The following FAM186B variants were observed in gnomAD, a reference collection of about 807,000 sequenced individuals.
FAM186B encodes family with sequence similarity 186 member B, also known as protein FAM186B.
A neutral mutation model predicts 83.4 loss-of-function variants in FAM186B; 68 were observed. The observed-to-expected ratio is 0.81, with a 90% CI of 0.67 to 1.00. FAM186B has a LOEUF of 1.00. FAM186B is among the 50% of genes least tolerant of loss of function. FAM186B has a pLI of 0.00. For missense variants in FAM186B, 983 were observed against 1,099.2 expected (o/e 0.89, Z 1.49); for synonymous variants, 389 against 422.0 (o/e 0.92, Z 0.96).
chr12:49,619,847 G>A, the FAM186B span, among the ~76,000 whole-genome samples: 1 of 151,142 alleles, frequency 6.6e-6, no homozygotes, highest in Non-Finnish European at 1.5e-5. Context: ...GCTAATTTTT[G>A]TATTTTTTTT....
chr12:49,599,269 CCTT>C (rs1417401409), intron 4 of FAM186B, among the ~76,000 whole-genome samples, 197 bp downstream of exon 4: 3 of 152,098 alleles, frequency 2.0e-5, no homozygotes, highest in Non-Finnish European at 2.9e-5. Context: ...TGCTCAGTGC[CCTT>C]CTTCTCACAT....
chr12:49,595,911 G>A (rs1427178407), intron 5 of FAM186B, among the ~76,000 whole-genome samples: 1 of 152,226 alleles, frequency 6.6e-6, no homozygotes, highest in Admixed American at 6.5e-5. Flanking sequence ...GTGAACCTGG[G>A]AGGCGGAGCT....
intron 5 of FAM186B, among the ~76,000 whole-genome samples, chr12:49,592,642 C>T (rs1050881928): frequency 7.9e-5 from 12 of 151,798 alleles, no homozygotes; most frequent in African/African-American, 1.9e-4. Context: ...AAAAATTAGC[C>T]GGACATGGTG....
At chr12:49,593,789 A>G (rs1017586587) in intron 5 of FAM186B, among the ~76,000 whole-genome samples, 17 of 152,216 alleles carry the variant, frequency 1.1e-4, no homozygotes, top group African/African-American at 4.1e-4. Context: ...CCTGGACAAC[A>G]TAGTGAAACT....
At chr12:49,609,994 G>A (rs906386939), upstream of FAM186B, among the ~76,000 whole-genome samples, 4 of 152,280 alleles carry the variant, frequency 2.6e-5, no homozygotes, top group Non-Finnish European at 4.4e-5. Context: ...ACTTATAAGT[G>A]CCATCTACTG....
intron 5 of FAM186B, among the ~76,000 whole-genome samples, chr12:49,594,459 T>C (rs1939664911): frequency 6.6e-6 from 1 of 152,216 alleles, no homozygotes; most frequent in South Asian, 2.1e-4. Context: ...TACTTAACTA[T>C]GATAAAGTTT....
At chr12:49,584,733 A>C, downstream of FAM186B, 1 of 661,046 alleles carries the variant, frequency 1.5e-6, no homozygotes, top group Non-Finnish European at 2.8e-6. Context: ...GCCCAGACTC[A>C]GCCTGGACAC....
Position 49,604,300 on chromosome 12 carries a change from C to A in FAM186B, c.322+13G>T. ...CTCCCAGAGGAGGCACGGTGCCCAG[C>A]CTGCAAACTCACCCCAGTCACCCAG... On this transcript the variant is annotated intron_variant, in intron 2 of 6. Transcript: ENST00000257894. 6.2e-7 allele frequency: 1 copy of A among 1,609,012 alleles called. No homozygotes were observed. Among genetic ancestry groups the A allele is most frequent in the Non-Finnish European group, 8.5e-7 (1 of 1,175,766 alleles).
In FAM186B at chr12:49,605,390, C is replaced by T. The variant is rs367959500; in HGVS notation, c.88G>A (p.Ala30Thr). Residue 30 changes from alanine to threonine, a missense_variant, in exon 1 of 7, where the codon GCT becomes ACT. Physicochemically the swap from Ala to Thr is moderately conservative, Grantham distance 58 (BLOSUM62 0). Coordinates refer to ENST00000257894, the MANE Select transcript of FAM186B (RefSeq NM_032130.3). The stretch of plus-strand genomic sequence containing the variant: ...TTCATCTCAGGGGCTACCTCTTGAG[C>T]CCGAGTTAGCTGGGCAGCCTCAATC... ...LRIEAAQLTR[A>T]QEDISTQLSD... The T allele has an allele frequency of 2.4e-5, 38 of 1,612,604 alleles. No individual in the cohort carries two copies. Among genetic ancestry groups the T allele is most frequent in the Non-Finnish European group, 2.7e-5 (32 of 1,179,490 alleles).
Position 49,600,479 on chromosome 12 carries a change from T to C in FAM186B, c.1161A>G (p.Ala387=), listed in dbSNP as rs746021981. The C allele has an allele frequency of 6.2e-7, 1 of 1,613,498 alleles. No homozygotes were observed. The highest frequency in any genetic ancestry group is 1.3e-5 in the African/African-American group (1 of 75,044). ...TCATGGTGGAAAGTGGCTGGTGCCC[T>C]GCAGCTATAGCACCACTGTCCCGTA... ...AMIRDSGAIA[A]GHQPLSTMTV... The change falls in exon 4 of 7, where the codon GCA becomes GCG. Residue 387 remains alanine, a synonymous_variant. Coordinates refer to ENST00000257894, the MANE Select transcript of FAM186B (RefSeq NM_032130.3). This position sits in a 1 kb window ranked among gnomAD's most constrained non-coding sequence, Gnocchi z 4.3.
At chr12:49,585,850 A>G (rs755436937), downstream of FAM186B, among the ~76,000 whole-genome samples, 6 of 152,216 alleles carry the variant, frequency 3.9e-5, no homozygotes, top group East Asian at 1.9e-4. Context: ...GAGTGGAGCA[A>G]TGTCCAGGAG....
At chr12:49,598,262 A>G (rs1233372011) in intron 5 of FAM186B, among the ~76,000 whole-genome samples, 1 of 152,216 alleles carries the variant, frequency 6.6e-6, no homozygotes, top group Non-Finnish European at 1.5e-5. Context: ...AAGGAAGTGA[A>G]CAAAGGAAGA....
At chr12:49,611,352 G>A in the FAM186B span, among the ~76,000 whole-genome samples, 1 of 151,892 alleles carries the variant, frequency 6.6e-6, no homozygotes, top group African/African-American at 2.4e-5. Flanking sequence ...CAGCCTGGAC[G>A]ACTGAGCAAG....
Position 49,599,490 on chromosome 12 carries a change from TAGA to T in FAM186B, c.2147_2149del (p.Phe716del). On this transcript the variant is annotated inframe_deletion, in exon 4 of 7. Coordinates refer to ENST00000257894, the MANE Select transcript of FAM186B (RefSeq NM_032130.3). ...CTACCGGAGGCTCTGGAGGCGTCTA[TAGA>T]AGATGTACTTATGGCACAGGTACTG... 2.6e-6 allele frequency: 4 copies of T among 1,551,232 alleles called. No individual in the cohort carries two copies. The highest frequency in any genetic ancestry group is 2.2e-5 in the East Asian group (1 of 44,462).
At chr12:49,584,374 C>T, downstream of FAM186B, 1 of 642,038 alleles carries the variant, frequency 1.6e-6, no homozygotes, top group East Asian at 2.7e-5. Flanking sequence ...TACTCAGCAA[C>T]CCCCAGAGGG....
At position 49,600,679 on chromosome 12, in the gene FAM186B, CCTTCTTCAG is replaced by C; in HGVS notation, c.952_960del (p.Leu318_Lys320del). ...TCTGCCTGACCTGTAGCATTCTGAG[CCTTCTTCAG>C]CTGGAACTCCAAGGCCTGCTTCATC... On this transcript the variant is annotated inframe_deletion, in exon 4 of 7. Coordinates refer to ENST00000257894, the MANE Select transcript of FAM186B (RefSeq NM_032130.3). The surrounding 1 kb of genome is among the most constrained non-coding windows in gnomAD (Gnocchi z 4.3). 1 of 1,614,148 alleles carries C rather than the reference CCTTCTTCAG, an allele frequency of 6.2e-7. No homozygotes were observed. Among genetic ancestry groups the C allele is most frequent in the African/African-American group, 1.3e-5 (1 of 75,044 alleles).
chr12:49,612,165 C>G, the FAM186B span, among the ~76,000 whole-genome samples: 43 of 152,016 alleles, frequency 2.8e-4, no homozygotes, highest in Admixed American at 6.6e-5. Flanking sequence ...ACAGTCTAAA[C>G]GGCCCACTTA....
intron 5 of FAM186B, chr12:49,593,062 A>G (rs1939619301): frequency 1.3e-5 from 2 of 152,254 alleles, no homozygotes; most frequent in African/African-American, 4.8e-5. Context: ...AGACCCAACT[A>G]TAAGGTATCA....
At chr12:49,621,757 G>C in the FAM186B span, among the ~76,000 whole-genome samples, 1 of 152,242 alleles carries the variant, frequency 6.6e-6, no homozygotes, top group Non-Finnish European at 1.5e-5. Context: ...AGGGTCCTAG[G>C]TATTCAGAAT....
Sources: gnomAD v4.1 joint callset for allele counts (sites outside exome capture counted in the v4.1 genomes callset) on GRCh38, gnomAD v4.1.1 for gene constraint, Gnocchi (gnomAD v3.1) non-coding constraint, MANE v1.5 for transcripts, NCBI Gene and HGNC (gene_info 2026-07-23, HGNC 2026-07-21) for gene names.